The following CEP164 variants were observed in gnomAD, a reference collection of about 807,000 sequenced individuals.
The protein encoded by CEP164 is centrosomal protein 164.
In CEP164, 162 loss-of-function variants were observed where a neutral mutation model predicts 182.7. The observed-to-expected ratio is 0.89, with a 90% CI of 0.78 to 1.01. CEP164 has a LOEUF of 1.01. CEP164 is among the 50% of genes least tolerant of loss of function. The pLI is 0.00. For missense variants in CEP164, 1,735 were observed against 1,790.4 expected, an observed-to-expected ratio of 0.97 and a Z score of 0.56; for synonymous variants, 661 against 690.0, an observed-to-expected ratio of 0.96 and a Z score of 0.66.
At chr11:117,337,036 G>C (rs1287598206) in intron 2 of CEP164, among the ~76,000 whole-genome samples, 1 of 152,078 alleles carries the variant, frequency 6.6e-6, no homozygotes, top group Non-Finnish European at 1.5e-5. Context: ...GAAGAATTTG[G>C]CACCGCCCCA....
At chr11:117,400,636 TTTG>T (rs2046020636) in intron 27 of CEP164, among the ~76,000 whole-genome samples, 1 of 152,238 alleles carries the variant, frequency 6.6e-6, no homozygotes, top group African/African-American at 2.4e-5. Context: ...TGTTTTTCCA[TTTG>T]TTTTTGTCCT....
At chr11:117,367,091 A>G (rs1393213294) in intron 8 of CEP164, among the ~76,000 whole-genome samples, 1 of 152,194 alleles carries the variant, frequency 6.6e-6, no homozygotes, top group Non-Finnish European at 1.5e-5. Context: ...CATTTCCCAC[A>G]GAGCCCAGGG....
Position 117,396,152 on chromosome 11 carries a change from T to G in CEP164, c.3188T>G (p.Ile1063Ser), listed in dbSNP as rs148477756. 6.2e-7 allele frequency: 1 copy of G among 1,613,812 alleles called. No homozygotes were observed. Among genetic ancestry groups the G allele is most frequent in the Admixed American group, 1.7e-5 (1 of 60,020 alleles). The change falls in exon 25 of 33, where the codon ATT (isoleucine) becomes AGT (serine). Residue 1063 changes from isoleucine to serine, a missense_variant. Coordinates refer to ENST00000278935, the MANE Select transcript of CEP164 (RefSeq NM_014956.5). The part of the protein sequence containing the change: ...ASPHFEPDLH[I>S]EDLRKSLGTN... ...CCACATTTTGAGCCAGATCTCCATA[T>G]TGAGGACCTGAGGAAATCCCTTGGA...
intron 23 of CEP164, 51 bp from the exon 24 acceptor site, chr11:117,395,496 G>C (rs771602606): frequency 6.5e-7 from 1 of 1,548,630 alleles, no homozygotes. Flanking sequence ...CTGCTCCCTG[G>C]CTTCTCTCTG....
intron 27 of CEP164, among the ~76,000 whole-genome samples, chr11:117,405,209 A>T (rs2046539516): frequency 6.6e-6 from 1 of 151,708 alleles, no homozygotes; most frequent in African/African-American, 2.4e-5. Context: ...TATGAAAAAA[A>T]CTCCTGCAGC....
chr11:117,336,390 G>T, intron 2 of CEP164: 1 of 1,400,408 alleles, frequency 7.1e-7, no homozygotes, highest in Non-Finnish European at 1.0e-6. Context: ...CAGGCGGTGG[G>T]TATGGAGGAA....
Position 117,395,600 on chromosome 11 carries a change from C to T in CEP164, c.2967C>T (p.His989=). Residue 989 remains histidine, a synonymous_variant, in exon 24 of 33, where the codon CAC becomes CAT. Transcript: ENST00000278935. ...QLEEAQKEHT[H]LLQSNQQLRE... The stretch of plus-strand genomic sequence containing the variant: ...AGGAGGCACAGAAGGAGCACACCCA[C>T]CTGTTGCAGTCAAACCAGCAGCTCC... 6.2e-7 allele frequency: 1 copy of T among 1,613,962 alleles called. No homozygotes were observed. The highest frequency in any genetic ancestry group is 1.1e-5 in the South Asian group (1 of 91,044).
At chr11:117,407,293 G>T (rs1164924303) in intron 27 of CEP164, among the ~76,000 whole-genome samples, 1 of 151,730 alleles carries the variant, frequency 6.6e-6, no homozygotes, top group Non-Finnish European at 1.5e-5. Context: ...CAACCATGGT[G>T]GTGGTGGTGA....
upstream of CEP164, among the ~76,000 whole-genome samples, chr11:117,324,737 C>T (rs1045223208): frequency 6.6e-6 from 1 of 152,122 alleles, no homozygotes; most frequent in Non-Finnish European, 1.5e-5. Context: ...CGTGGTGGCT[C>T]ATGCCTGTAA....
chr11:117,401,993 G>C lies in CEP164; in HGVS notation c.3501+4680G>C, dbSNP rs182059751. On this transcript the variant is annotated intron_variant, in intron 27 of 32. Coordinates refer to ENST00000278935, the MANE Select transcript of CEP164 (RefSeq NM_014956.5). ...CTCCTTTAATTCTGCTCTGATCTTA[G>C]TTATTTCTTGTCTTCTGCTAACTTT... Among the ~76,000 whole-genome samples the C allele has an allele frequency of 3.4e-4, 52 of 152,094 alleles. 1 individual carries two copies. The East Asian group carries it at 6.7e-3, about 20-fold the overall frequency.
At chr11:117,403,283 G>A (rs191174974) in intron 27 of CEP164, among the ~76,000 whole-genome samples, 93 of 152,278 alleles carry the variant, frequency 6.1e-4, no homozygotes, top group African/African-American at 2.1e-3. Flanking sequence ...TTACAATTTG[G>A]CATGTTTTTG....
In CEP164 at chr11:117,409,819, C is replaced by T. The variant is rs768654067; in HGVS notation, c.3950C>T (p.Ser1317Phe). The change falls in exon 30 of 33, where the codon TCC (serine) becomes TTC (phenylalanine). Residue 1317 changes from serine (S) to phenylalanine (F), a missense_variant. Ser to Phe is a radical substitution (Grantham distance 155). Coordinates refer to ENST00000278935, the MANE Select transcript of CEP164 (RefSeq NM_014956.5). This position sits in a 1 kb window ranked among gnomAD's most constrained non-coding sequence, Gnocchi z 4.4. ...ACCCCCACCCCCACCTACTATGGCT[C>T]CCTGGCCAGGTTCTCAGCCTTATCA... ...KSTPTPTYYG[S>F]LARFSALSSA... 6.2e-7 allele frequency: 1 copy of T among 1,607,360 alleles called. No homozygotes were observed. Among genetic ancestry groups the T allele is most frequent in the Non-Finnish European group, 8.5e-7 (1 of 1,176,132 alleles).
At chr11:117,349,975 A>G (rs1196244034) in intron 4 of CEP164, among the ~76,000 whole-genome samples, 1 of 151,864 alleles carries the variant, frequency 6.6e-6, no homozygotes, top group Non-Finnish European at 1.5e-5. Context: ...GAGTTTCACC[A>G]TGTTGGTCAG....
intron 30 of CEP164, 182 bp downstream of exon 30, chr11:117,410,147 T>C: frequency 1.4e-6 from 1 of 726,346 alleles, no homozygotes. Flanking sequence ...TGTGGGTCCC[T>C]GGGGAAGGAG....
chr11:117,389,036 C>G (rs1231512644), intron 15 of CEP164, among the ~76,000 whole-genome samples: 1 of 152,054 alleles, frequency 6.6e-6, no homozygotes, highest in Non-Finnish European at 1.5e-5. Context: ...TCCCAAAGTG[C>G]TGGGATTACA....
chr11:117,338,734 T>G (rs1591999461), intron 3 of CEP164, 66 bp downstream of exon 3: 7 of 1,253,728 alleles, frequency 5.6e-6, no homozygotes, highest in Non-Finnish European at 8.2e-6. Flanking sequence ...GATTGTCTGG[T>G]TTATTTTTAT....
rs2042175100 is a variant in CEP164, at chr11:117,371,332, G to A, written c.1018G>A (p.Ala340Thr). 1.2e-6 allele frequency: 2 copies of A among 1,614,220 alleles called. No individual in the cohort carries two copies. Among genetic ancestry groups the A allele is most frequent in the Admixed American group, 1.7e-5 (1 of 60,032 alleles). The change falls in exon 9 of 33, where the codon GCC (alanine) becomes ACC (threonine). Residue 340 changes from alanine to threonine, a missense_variant. Coordinates refer to ENST00000278935, the MANE Select transcript of CEP164 (RefSeq NM_014956.5). Reference protein sequence around the residue: ...PKADPTGSEPAKASEKEAPED... With the variant: ...PKADPTGSEPTKASEKEAPED... ...GGCAGACCCTACAGGCAGTGAGCCT[G>A]CCAAAGCCTCTGAAAAGGAAGCACC...
rs1348867402 is a variant in CEP164, at chr11:117,393,044, G to A, written c.2534G>A (p.Gly845Glu). The A allele has an allele frequency of 9.9e-6, 16 of 1,613,612 alleles. No individual in the cohort carries two copies. Among genetic ancestry groups the A allele is most frequent in the Non-Finnish European group, 1.4e-5 (16 of 1,179,892 alleles). The part of the protein sequence containing the change: ...LLREKRQEVE[G>E]EHERRLDKMK... ...CGAGAGAAGCGCCAGGAAGTGGAAGGGGAGCATGAGAGGAGGTTGGACAAG... is the reference window on the plus strand; with the variant it reads ...CGAGAGAAGCGCCAGGAAGTGGAAGAGGAGCATGAGAGGAGGTTGGACAAG... Residue 845 changes from glycine to glutamate, a missense_variant, in exon 20 of 33, where the codon GGG becomes GAG. By Grantham distance (98) the Gly-to-Glu change is moderately conservative (BLOSUM62 -2). Transcript: ENST00000278935.
intron 5 of CEP164, among the ~76,000 whole-genome samples, chr11:117,354,271 G>A (rs548744350): frequency 6.6e-6 from 1 of 152,282 alleles, no homozygotes; most frequent in East Asian, 1.9e-4. Flanking sequence ...GCCCGCCGCA[G>A]CCTCCTAAAG....
Sources: allele counts gnomAD v4.1 joint callset (sites outside exome capture counted in the v4.1 genomes callset), GRCh38; gene constraint gnomAD v4.1.1; non-coding constraint Gnocchi (gnomAD v3.1); transcripts MANE v1.5; gene names NCBI Gene and HGNC (gene_info 2026-07-23, HGNC 2026-07-21).